NPM2: variants seen among roughly 807,000 people sequenced by gnomAD.
NPM2 encodes nucleoplasmin-2.
NPM2 carries 25 observed loss-of-function variants against 32.0 expected under a neutral mutation model. That is an observed-to-expected ratio of 0.78 (90% CI 0.57 to 1.09). The LOEUF is 1.09. NPM2 is among the 50% of genes least tolerant of loss of function. The probability of loss-of-function intolerance (pLI) is 0.00; values close to 1 mark genes in which losing one functional copy is unlikely to be tolerated. For synonymous variants in NPM2, 111 were observed against 94.2 expected (o/e 1.18, Z -1.04); for missense variants, 282 against 259.9 (o/e 1.08, Z -0.58).
Position 22,025,734 on chromosome 8 carries a change from G to T in NPM2, c.232G>T (p.Val78Phe), listed in dbSNP as rs1377402858. 6.2e-7 allele frequency: 1 copy of T among 1,614,092 alleles called. No individual in the cohort carries two copies. Among genetic ancestry groups the T allele is most frequent in the Non-Finnish European group, 8.5e-7 (1 of 1,180,008 alleles). ...CCAGGAGGACAAGAAGATGCAGCCG[G>T]TCACCATTGCCTCACTCCAGGCCTC... ...ANQEDKKMQP[V>F]TIASLQASVL... The change falls in exon 5 of 10, where the codon GTC becomes TTC. Residue 78 changes from valine to phenylalanine, a missense_variant. Transcript: ENST00000518119.
chr8:22,031,865 C>T (rs1247332652), intron 5 of NPM2, among the ~76,000 whole-genome samples: 1 of 152,132 alleles, frequency 6.6e-6, no homozygotes, highest in Non-Finnish European at 1.5e-5. Flanking sequence ...TTTTTTCATT[C>T]ATCACTAATC....
Position 22,036,511 on chromosome 8 carries a change from G to A in NPM2, c.585G>A (p.Lys195=). 6.2e-7 allele frequency: 1 copy of A among 1,603,614 alleles called. No homozygotes were observed. The highest frequency in any genetic ancestry group is 1.1e-5 in the South Asian group (1 of 88,668). ...GTTGCAGAGCCAGCGTTAGAGACAA[G>A]AGCCCTGTGAAAAAGGTGAGTAGGA... ...EEEIRASVRD[K]SPVKKAKATA... Residue 195 remains lysine (K), a synonymous_variant, in exon 9 of 10, where the codon AAG becomes AAA. Coordinates refer to ENST00000518119, the MANE Select transcript of NPM2 (RefSeq NM_001286680.2).
rs34390285 is a variant in NPM2 at position 22,028,485 on chromosome 8, A to ATTT, written c.270+2726_270+2728dup. 8.5e-3 allele frequency among the ~76,000 whole-genome samples: 1,184 copies of ATTT among 139,292 alleles called. 22 individuals are homozygous for ATTT. The highest frequency in any genetic ancestry group is 0.023 in the African/African-American group (878 of 37,484). 91.4% of individuals were successfully genotyped at this position (139,292 alleles called of 152,430 possible). A position where few individuals can be genotyped will look rare whatever the true frequency, so the allele number is the denominator to read the frequency against. On this transcript the variant is annotated intron_variant, in intron 5 of 9. Coordinates refer to ENST00000518119, the MANE Select transcript of NPM2 (RefSeq NM_001286680.2). ...AGGCGCTCCCCACCATGCCCAGCTG[A>ATTT]TTTTTTTTTTTTTTTGTAATTTTTA...
chr8:22,031,881 G>A (rs1016325137), intron 5 of NPM2, among the ~76,000 whole-genome samples: 1 of 152,076 alleles, frequency 6.6e-6, no homozygotes, highest in Non-Finnish European at 1.5e-5. Context: ...TAATCAGAAG[G>A]CATCCTCTCT....
chr8:22,033,334 C>G (rs1800504944), intron 6 of NPM2, 111 bp downstream of exon 6: 2 of 890,648 alleles, frequency 2.2e-6, no homozygotes, highest in South Asian at 2.9e-5. Flanking sequence ...GGAAGAAAAT[C>G]CCCAAAGGCA....
At chr8:22,031,979 T>C (rs533714198) in intron 5 of NPM2, among the ~76,000 whole-genome samples, 1 of 152,378 alleles carries the variant, frequency 6.6e-6, no homozygotes, top group Admixed American at 6.5e-5. Context: ...CATTTCTAAG[T>C]GTCTCTGGCT....
intron 5 of NPM2, 171 bp from the exon 6 acceptor site, chr8:22,032,959 G>T: frequency 3.3e-6 from 2 of 599,996 alleles, no homozygotes; most frequent in East Asian, 2.8e-5. Flanking sequence ...TGTGAGCTTA[G>T]CAAGAATGGG....
rs553927149 is a variant in NPM2, at chr8:22,034,951, C to T, written c.566+407C>T. ...GATGAAACCCTGTCTCTACTAAAAACACAAAAATTAACCGAGCCTGGTGGC... is the reference window on the plus strand; with the variant it reads ...GATGAAACCCTGTCTCTACTAAAAATACAAAAATTAACCGAGCCTGGTGGC... On this transcript the variant is annotated intron_variant, in intron 8 of 9. Transcript: ENST00000518119. 3.4e-4 allele frequency among the ~76,000 whole-genome samples: 51 copies of T among 152,184 alleles called. 1 individual carries two copies. The East Asian group carries it at 9.9e-3, about 29-fold the overall frequency.
At position 22,036,317 on chromosome 8, in the gene NPM2, T is replaced by C. The variant is rs1800618185; in HGVS notation, c.567-176T>C. ...GATGGAAGCCTAAGGAAAACACATA[T>C]GCGTATGCATGCACACGCACACACA... On this transcript the variant is annotated intron_variant, in intron 8 of 9. Transcript: ENST00000518119. The C allele has an allele frequency of 2.6e-5, 15 of 583,696 alleles. No homozygotes were observed. In the Admixed American group the frequency reaches 4.1e-4, roughly 16 times the overall value. The allele number at this position is 583,696 out of a possible 1,614,324, so 36.2% of individuals were successfully genotyped here.
rs934640619 is a variant in NPM2 at position 22,026,682 on chromosome 8, T to C, written c.270+910T>C. Among the ~76,000 whole-genome samples, 19 of 152,192 alleles carry C rather than the reference T, an allele frequency of 1.2e-4. 1 individual carries two copies. Among genetic ancestry groups the C allele is most frequent in the African/African-American group, 4.3e-4 (18 of 41,454 alleles). ...GTTGCCCAGGCTAGTCTCGAACTCC[T>C]GACCTCAGGTGATTCGCCCGCCTTG... On this transcript the variant is annotated intron_variant, in intron 5 of 9. Coordinates refer to ENST00000518119, the MANE Select transcript of NPM2 (RefSeq NM_001286680.2).
chr8:22,024,822 G>C lies in NPM2; in HGVS notation c.-42G>C, dbSNP rs377635003. The C allele has an allele frequency of 3.6e-5, 6 of 166,802 alleles. 1 individual carries two copies. The highest frequency in any genetic ancestry group is 1.4e-4 in the African/African-American group (6 of 41,998). The allele number at this position is 166,802 out of a possible 1,614,324, so 10.3% of individuals were successfully genotyped here. A position where few individuals can be genotyped will look rare whatever the true frequency, so the allele number is the denominator to read the frequency against. On this transcript the variant is annotated 5_prime_UTR_variant, in exon 2 of 10. Coordinates refer to ENST00000518119, the MANE Select transcript of NPM2 (RefSeq NM_001286680.2). ...GATGGCGTGACTGGCCCCGCGCGGAGCAGCGACAGTAAGGCTGTGTGGGGG... is the reference window on the plus strand; with the variant it reads ...GATGGCGTGACTGGCCCCGCGCGGACCAGCGACAGTAAGGCTGTGTGGGGG...
Position 22,031,806 on chromosome 8 carries a change from G to T in NPM2, c.271-1324G>T, listed in dbSNP as rs187801064. Among the ~76,000 whole-genome samples, 9 of 152,150 alleles carry T rather than the reference G, an allele frequency of 5.9e-5. No individual in the cohort carries two copies. In the East Asian group the frequency reaches 1.7e-3, roughly 29 times the overall value. On this transcript the variant is annotated intron_variant, in intron 5 of 9. Transcript: ENST00000518119. ...CTGTTTTCAGGTCCATTTCCCCTCG[G>T]TTGCAGCACACCAGCTCCTGCACCT...
rs906020122 is a variant in NPM2, at chr8:22,024,639, A to G, written c.-141+16A>G. 1 of 152,346 alleles carries G rather than the reference A, an allele frequency of 6.6e-6. No homozygotes were observed. Among genetic ancestry groups the G allele is most frequent in the African/African-American group, 2.4e-5 (1 of 41,452 alleles). The allele number at this position is 152,346 out of a possible 1,614,324, so 9.4% of individuals were successfully genotyped here. ...AGCCCTCCAGGTGATTCTGCCGCGC[A>G]GAGGAGGAAAGAATGGGAGAAGGGA... On this transcript the variant is annotated intron_variant, in intron 1 of 9. Coordinates refer to ENST00000518119, the MANE Select transcript of NPM2 (RefSeq NM_001286680.2).
Position 22,034,490 on chromosome 8 carries a change from C to T in NPM2, c.532-20C>T, listed in dbSNP as rs758991699. 6 of 1,605,768 alleles carry T rather than the reference C, an allele frequency of 3.7e-6. No individual in the cohort carries two copies. Among genetic ancestry groups the T allele is most frequent in the East Asian group, 4.5e-5 (2 of 44,826 alleles). On this transcript the variant is annotated intron_variant, in intron 7 of 9. Coordinates refer to ENST00000518119, the MANE Select transcript of NPM2 (RefSeq NM_001286680.2). ...GGACTTTGTCTGAACTCTCATAATA[C>T]ACTGTTTTTTGGTTCCCAGAAAAAA...
chr8:22,032,940 A>C (rs1800487745), intron 5 of NPM2, among the ~76,000 whole-genome samples, 190 bp from the exon 6 acceptor site: 1 of 152,088 alleles, frequency 6.6e-6, no homozygotes, highest in Non-Finnish European at 1.5e-5. Flanking sequence ...TTCAGCTTGG[A>C]AGCCCATCTG....
chr8:22,025,173 C>T (rs932157257), intron 2 of NPM2, 43 bp from the exon 3 acceptor site: 1 of 1,511,804 alleles, frequency 6.6e-7, no homozygotes, highest in African/African-American at 1.4e-5. Context: ...AGTCGAGGGT[C>T]AGGGTCAGGG....
At position 22,036,648 on chromosome 8, in the gene NPM2, C is replaced by G. The variant is rs1800634255; in HGVS notation, c.611C>G (p.Thr204Arg). 1 of 1,549,528 alleles carries G rather than the reference C, an allele frequency of 6.5e-7. No individual in the cohort carries two copies. Among genetic ancestry groups the G allele is most frequent in the African/African-American group, 1.4e-5 (1 of 72,772 alleles). ...DKSPVKKAKA[T>R]ARAKKPGFKK The stretch of plus-strand genomic sequence containing the variant: ...GCCTTCCCTCCACAGGCCAAAGCCA[C>G]AGCCAGAGCCAAGAAGCCAGGATTC... Residue 204 changes from threonine (T) to arginine (R), a missense_variant, in exon 10 of 10, where the codon ACA becomes AGA. By Grantham distance (71) the Thr-to-Arg change is moderately conservative (BLOSUM62 -1). Transcript: ENST00000518119.
At position 22,024,311 on chromosome 8, in the gene NPM2, G is replaced by A. The variant is rs965407670; in HGVS notation, c.-453G>A. ...CTTAGGAAAGGCCCATGCTGTATAAGGCATGGGGAAAGGAAAGGAAGAAAG... is the reference window on the plus strand; with the variant it reads ...CTTAGGAAAGGCCCATGCTGTATAAAGCATGGGGAAAGGAAAGGAAGAAAG... On this transcript the variant is annotated 5_prime_UTR_variant, in exon 1 of 10. Coordinates refer to ENST00000518119, the MANE Select transcript of NPM2 (RefSeq NM_001286680.2). The A allele has an allele frequency of 6.6e-6, 1 of 152,412 alleles. No individual in the cohort carries two copies. The highest frequency in any genetic ancestry group is 2.4e-5 in the African/African-American group (1 of 41,458). The allele number at this position is 152,412 out of a possible 1,614,324, so 9.4% of individuals were successfully genotyped here.
chr8:22,028,822 C>T (rs1661701402), intron 5 of NPM2, among the ~76,000 whole-genome samples: 1 of 152,180 alleles, frequency 6.6e-6, no homozygotes, highest in African/African-American at 2.4e-5. Flanking sequence ...GTATCTTTTA[C>T]ACAGTATGTA....
Sources: gnomAD v4.1 joint callset for allele counts (sites outside exome capture counted in the v4.1 genomes callset) on GRCh38, gnomAD v4.1.1 for gene constraint, MANE v1.5 for transcripts, NCBI Gene and HGNC (gene_info 2026-07-23, HGNC 2026-07-21) for gene names.